The following AEBP2 variants were observed in gnomAD, a reference collection of about 807,000 sequenced individuals.
AEBP2 encodes AE binding protein 2.
AEBP2 carries 10 observed loss-of-function variants against 50.8 expected under a neutral mutation model. The ratio of observed to expected loss-of-function variants is 0.20; its 90% CI spans 0.12 to 0.33. AEBP2 has a LOEUF of 0.33. AEBP2 is among the 10% of genes least tolerant of loss of function. The pLI is 1.00. For synonymous variants in AEBP2, 296 were observed against 261.3 expected, an observed-to-expected ratio of 1.13 and a Z score of -1.28; for missense variants, 570 against 688.0, an observed-to-expected ratio of 0.83 and a Z score of 1.92.
At position 19,518,220 on chromosome 12, in the gene AEBP2, T is replaced by TC. The variant is rs1453711954; in HGVS notation, c.*103_*104insC. 40 of 378,482 alleles carry TC rather than the reference T, an allele frequency of 1.1e-4. No homozygotes were observed. The South Asian group carries it at 2.6e-3, about 24-fold the overall frequency. 23.4% of individuals were successfully genotyped at this position (378,482 alleles called of 1,614,324 possible). On this transcript the variant is annotated 3_prime_UTR_variant, in exon 8 of 8. Transcript: ENST00000266508. ...TTGCACATTAGAGTCAACCCCTTCTTTTTTTTTTTTTTTTTTTTAAATCCA... is the reference window on the plus strand; with the variant it reads ...TTGCACATTAGAGTCAACCCCTTCTTCTTTTTTTTTTTTTTTTTTAAATCCA...
At chr12:19,456,885 G>A in intron 1 of AEBP2, 1 of 1,475,876 alleles carries the variant, frequency 6.8e-7, no homozygotes, top group Non-Finnish European at 9.5e-7. Context: ...AGACATCCTG[G>A]AGAGGCAGGC....
intron 4 of AEBP2, among the ~76,000 whole-genome samples, chr12:19,495,481 AT>A (rs201938724): frequency 3.3e-5 from 5 of 151,132 alleles, no homozygotes; most frequent in East Asian, 1.9e-4. Flanking sequence ...TTTCGTTTTT[AT>A]TTTTTTTCTA....
chr12:19,461,579 G>T (rs552940567), intron 1 of AEBP2, among the ~76,000 whole-genome samples: 1 of 151,800 alleles, frequency 6.6e-6, no homozygotes, highest in Admixed American at 6.6e-5. Context: ...GTGCGATCTC[G>T]GCTCACTCCA....
chr12:19,504,079 C>T (rs10841245), intron 5 of AEBP2, among the ~76,000 whole-genome samples: 61,193 of 151,846 alleles, frequency 0.4, 14,092 homozygotes, highest in Non-Finnish European at 0.54. Flanking sequence ...TAAATGGAGG[C>T]GTGCTTGACA....
At position 19,497,328 on chromosome 12, in the gene AEBP2, G is replaced by GTTTTTTTTT. The variant is rs34011915; in HGVS notation, c.1175-2753_1175-2745dup. 2.3e-3 allele frequency among the ~76,000 whole-genome samples: 179 copies of GTTTTTTTTT among 78,722 alleles called. 20 individuals are homozygous for GTTTTTTTTT. Among genetic ancestry groups the GTTTTTTTTT allele is most frequent in the African/African-American group, 4.3e-3 (83 of 19,472 alleles). 51.6% of individuals were successfully genotyped at this position (78,722 alleles called of 152,430 possible). ...TTCTATTTTTGTGGTTTCCAAAGGT[G>GTTTTTTTTT]TTTTTTTTTTTTTTTTTTTTTTTTG... On this transcript the variant is annotated intron_variant, in intron 4 of 7. Transcript: ENST00000266508.
Position 19,447,325 on chromosome 12 carries a change from C to T in AEBP2, c.671+6955C>T, listed in dbSNP as rs7311775. On this transcript the variant is annotated intron_variant, in intron 1 of 7. Transcript: ENST00000266508. ...CTTGTTAGACATATTGTCAGCATTCCGAGTTCTTTCTTGCCCTCACCCCAA... is the reference window on the plus strand; with the variant it reads ...CTTGTTAGACATATTGTCAGCATTCTGAGTTCTTTCTTGCCCTCACCCCAA... Among the ~76,000 whole-genome samples the T allele has an allele frequency of 2.8e-3, 428 of 152,288 alleles. 3 individuals are homozygous for T. Among genetic ancestry groups the T allele is most frequent in the African/African-American group, 9.9e-3 (410 of 41,556 alleles).
chr12:19,451,870 A>G (rs961395504), intron 1 of AEBP2, among the ~76,000 whole-genome samples: 3 of 151,836 alleles, frequency 2.0e-5, no homozygotes, highest in African/African-American at 7.3e-5. Flanking sequence ...CCTGGCATTA[A>G]AGTGGCCATC....
At chr12:19,445,686 G>A (rs752365979) in intron 1 of AEBP2, among the ~76,000 whole-genome samples, 2 of 152,170 alleles carry the variant, frequency 1.3e-5, no homozygotes, top group Non-Finnish European at 2.9e-5. Context: ...TATCAATCAG[G>A]TGTTAGATGT....
intron 1 of AEBP2, among the ~76,000 whole-genome samples, chr12:19,416,788 G>A (rs2095742837): frequency 2.0e-5 from 3 of 151,698 alleles, no homozygotes; most frequent in Admixed American, 6.6e-5. Context: ...CTGACCTCAG[G>A]TAATCAGCCC....
At chr12:19,487,037 A>C (rs1358243580) in intron 3 of AEBP2, among the ~76,000 whole-genome samples, 2 of 152,138 alleles carry the variant, frequency 1.3e-5, no homozygotes. Context: ...GATGTTGACC[A>C]CATTTTGTGC....
At chr12:19,447,247 T>G (rs7297320) in intron 1 of AEBP2, among the ~76,000 whole-genome samples, 139,858 of 152,264 alleles carry the variant, frequency 0.92, 64,291 homozygotes, top group East Asian at 1. Flanking sequence ...TTCACTTTCT[T>G]TCTGTGTAAT....
rs1482285468 is a variant in AEBP2 at position 19,518,696 on chromosome 12, C to G, written c.*579C>G. 21 of 1,488,040 alleles carry G rather than the reference C, an allele frequency of 1.4e-5. No individual in the cohort carries two copies. Among genetic ancestry groups the G allele is most frequent in the Non-Finnish European group, 9.1e-7 (1 of 1,101,928 alleles). 92.2% of individuals were successfully genotyped at this position (1,488,040 alleles called of 1,614,324 possible). A position where few individuals can be genotyped will look rare whatever the true frequency, so the allele number is the denominator to read the frequency against. On this transcript the variant is annotated 3_prime_UTR_variant, in exon 8 of 8. Coordinates refer to ENST00000266508, the MANE Select transcript of AEBP2 (RefSeq NM_153207.5). ...GCAGAACTCTGATAAGAAAAGTGTT[C>G]AATTTGTATTTAAGCAAACAGTGAA...
chr12:19,439,807 CGAGGAGGAGGAGGAA>C lies in AEBP2; in HGVS notation c.131_145del (p.Glu44_Glu48del), dbSNP rs768524653. ...CGGCGCGGGGCCGGGCTGAGCCCCC[CGAGGAGGAGGAGGAA>C]GAGGAGGAGGAGGAAGAGGAGGCGG... On this transcript the variant is annotated inframe_deletion, in exon 1 of 8. Coordinates refer to ENST00000266508, the MANE Select transcript of AEBP2 (RefSeq NM_153207.5). The C allele has an allele frequency of 3.5e-4, 525 of 1,510,590 alleles. No homozygotes were observed. The highest frequency in any genetic ancestry group is 8.6e-4 in the East Asian group (32 of 37,120). 93.6% of individuals were successfully genotyped at this position (1,510,590 alleles called of 1,614,324 possible).
intron 1 of AEBP2, chr12:19,418,978 T>A (rs547269469): frequency 5.8e-5 from 9 of 154,188 alleles, no homozygotes; most frequent in African/African-American, 2.2e-4. Context: ...ATGTGCTTAG[T>A]GTAGGAGAGG....
chr12:19,426,474 T>C (rs542988573), intron 1 of AEBP2, among the ~76,000 whole-genome samples: 1 of 152,200 alleles, frequency 6.6e-6, no homozygotes, highest in Non-Finnish European at 1.5e-5. Context: ...GTTAATTAAC[T>C]GGGTGTAAGA....
Position 19,439,993 on chromosome 12 carries a change from C to T in AEBP2, c.294C>T (p.Asp98=). The T allele has an allele frequency of 6.6e-7, 1 of 1,520,542 alleles. No homozygotes were observed. Among genetic ancestry groups the T allele is most frequent in the Non-Finnish European group, 8.8e-7 (1 of 1,140,504 alleles). The allele number at this position is 1,520,542 out of a possible 1,614,324, so 94.2% of individuals were successfully genotyped here. ...CCAGCCAGGCCGGGGAGGACGAAGA[C>T]GAGGAGGAGGACGACGAGGAGGAGG... ...ESASQAGEDE[D]EEEDDEEEED... The change falls in exon 1 of 8, where the codon GAC becomes GAT. Residue 98 remains aspartate, a synonymous_variant. Coordinates refer to ENST00000266508, the MANE Select transcript of AEBP2 (RefSeq NM_153207.5).
chr12:19,519,320 T>A lies in AEBP2; in HGVS notation c.*1203T>A, dbSNP rs571864348. 6.5e-6 allele frequency: 1 copy of A among 152,712 alleles called. No individual in the cohort carries two copies. Among genetic ancestry groups the A allele is most frequent in the Non-Finnish European group, 1.5e-5 (1 of 67,986 alleles). 9.5% of individuals were successfully genotyped at this position (152,712 alleles called of 1,614,324 possible). ...TGGTAGAAATAATATTGAAGGATAT[T>A]GTACTTCACTAGTGCTGCCAGAGGA... On this transcript the variant is annotated 3_prime_UTR_variant, in exon 8 of 8. Coordinates refer to ENST00000266508, the MANE Select transcript of AEBP2 (RefSeq NM_153207.5).
At chr12:19,492,760 A>G (rs1243445144) in intron 3 of AEBP2, among the ~76,000 whole-genome samples, 1 of 152,156 alleles carries the variant, frequency 6.6e-6, no homozygotes, top group Non-Finnish European at 1.5e-5. Flanking sequence ...TGAGCCCAGG[A>G]GTTCAGGACC....
intron 1 of AEBP2, chr12:19,440,582 ACT>A: frequency 7.0e-7 from 1 of 1,433,482 alleles, no homozygotes; most frequent in East Asian, 2.6e-5. Flanking sequence ...TTCCCCCCCA[ACT>A]CTCCTTTCCC....
Sources: gnomAD v4.1 joint callset for allele counts (sites outside exome capture counted in the v4.1 genomes callset) on GRCh38, gnomAD v4.1.1 for gene constraint, MANE v1.5 for transcripts, NCBI Gene and HGNC (gene_info 2026-07-23, HGNC 2026-07-21) for gene names.